GTF3A: variants seen among roughly 807,000 people sequenced by gnomAD.
The protein encoded by GTF3A is transcription factor IIIA.
Under a neutral mutation model 37.6 loss-of-function variants are expected in GTF3A, and 40 were observed. That is an observed-to-expected ratio of 1.06 (90% CI 0.83 to 1.38). The LOEUF is 1.38. Ranked by LOEUF, GTF3A falls within the 40% of genes most tolerant of loss-of-function variation. The pLI is 0.00. For missense variants in GTF3A, 500 were observed against 462.6 expected (o/e 1.08, Z -0.74); for synonymous variants, 191 against 166.7 (o/e 1.15, Z -1.12).
rs747859990 is a variant in GTF3A, at chr13:27,434,134, A to AAT, written c.563-3_563-2dup. 13 of 1,128,308 alleles carry AAT rather than the reference A, an allele frequency of 1.2e-5. No homozygotes were observed. Among genetic ancestry groups the AAT allele is most frequent in the Non-Finnish European group, 6.8e-6 (5 of 736,316 alleles). The allele number at this position is 1,128,308 out of a possible 1,614,324, so 69.9% of individuals were successfully genotyped here. A position where few individuals can be genotyped will look rare whatever the true frequency, so the allele number is the denominator to read the frequency against. Reference sequence around the variant, plus strand: ...TGACAGACAATGCACCAATTTTTTTAATAGGCTATGTATGTCAAAAAGGAT... The same window carrying AAT: ...TGACAGACAATGCACCAATTTTTTTAATATAGGCTATGTATGTCAAAAAGGAT... On this transcript the variant is annotated splice_polypyrimidine_tract_variant and splice_region_variant and intron_variant, in intron 5 of 8. Transcript: ENST00000381140.
rs1267078919 is a variant in GTF3A, at chr13:27,434,967, C to T, written c.806C>T (p.Ser269Phe). The change falls in exon 7 of 9, where the codon TCC (serine) becomes TTC (phenylalanine). Residue 269 changes from serine to phenylalanine, a missense_variant. Transcript: ENST00000381140. The stretch of plus-strand genomic sequence containing the variant: ...TTTAATCTCCAAAGCCATATCCTCT[C>T]CTTCCATGAGGAAAGCCGCCCTTTT... The T allele has an allele frequency of 1.2e-6, 2 of 1,611,876 alleles. No individual in the cohort carries two copies. Among genetic ancestry groups the T allele is most frequent in the African/African-American group, 1.3e-5 (1 of 75,022 alleles).
chr13:27,425,783 C>CT (rs777011364), intron 1 of GTF3A: 2 of 152,204 alleles, frequency 1.3e-5, no homozygotes, highest in African/African-American at 4.8e-5. Context: ...ACTGCCTCAG[C>CT]TTAAAGCCCT....
Position 27,424,658 on chromosome 13 carries a change from T to A in GTF3A, c.-80T>A. The A allele has an allele frequency of 9.2e-7, 1 of 1,087,642 alleles. No individual in the cohort carries two copies. The highest frequency in any genetic ancestry group is 1.2e-6 in the Non-Finnish European group (1 of 821,550). The allele number at this position is 1,087,642 out of a possible 1,614,324, so 67.4% of individuals were successfully genotyped here. A position where few individuals can be genotyped will look rare whatever the true frequency, so the allele number is the denominator to read the frequency against. ...CGCGCGAAGGTTCAGCAGGGAGCCG[T>A]GGGCCGGGCGCGCCGGTTCCCGGCA... On this transcript the variant is annotated 5_prime_UTR_variant, in exon 1 of 9. Transcript: ENST00000381140.
chr13:27,429,826 C>T (rs1028498638), intron 2 of GTF3A, 44 bp from the exon 3 acceptor site: 17 of 1,036,344 alleles, frequency 1.6e-5, no homozygotes, highest in Non-Finnish European at 2.2e-5. Context: ...AAAACTTCTT[C>T]TCCCTTGGTT....
intron 2 of GTF3A, chr13:27,429,129 T>TC (rs1440441580): frequency 6.6e-6 from 1 of 151,140 alleles, no homozygotes; most frequent in Non-Finnish European, 1.5e-5. Context: ...GTGCTGTGCC[T>TC]CCCATGGTCA....
chr13:27,434,041 G>T lies in GTF3A; in HGVS notation c.563-98G>T. ...GCTGAGTTGAATACTATTAGGCGGG[G>T]AATGGAAAATTATATAGGCACCTAA... is the stretch of plus-strand genomic sequence containing the variant. On this transcript the variant is annotated intron_variant, in intron 5 of 8. Transcript: ENST00000381140. The T allele has an allele frequency of 4.3e-6, 3 of 698,856 alleles. No homozygotes were observed. The East Asian group carries it at 7.5e-5, about 17-fold the overall frequency. 43.3% of individuals were successfully genotyped at this position (698,856 alleles called of 1,614,324 possible). A position where few individuals can be genotyped will look rare whatever the true frequency, so the allele number is the denominator to read the frequency against.
intron 5 of GTF3A, among the ~76,000 whole-genome samples, chr13:27,433,025 C>T (rs553820319): frequency 6.6e-5 from 10 of 152,318 alleles, no homozygotes; most frequent in African/African-American, 2.2e-4. Context: ...TTGTTCACAA[C>T]AAGCGCCTGG....
chr13:27,425,399 G>C (rs2138020138), intron 1 of GTF3A: 1 of 156,796 alleles, frequency 6.4e-6, no homozygotes, highest in South Asian at 1.8e-4. Flanking sequence ...ATGGACCTTT[G>C]TTCCTGGGTC....
rs757021040 is a variant in GTF3A, at chr13:27,432,801, G to A, written c.559G>A (p.Glu187Lys). ...GCTGAAACGACATGCCAAGGCCCACGAGGGTGTGTACGGATAGCCTGGGTG... is the reference window on the plus strand; with the variant it reads ...GCTGAAACGACATGCCAAGGCCCACAAGGGTGTGTACGGATAGCCTGGGTG... The change falls in exon 5 of 9, where the codon GAG becomes AAG. Residue 187 changes from glutamate to lysine, a missense_variant. Glu to Lys is a moderately conservative substitution (Grantham distance 56, BLOSUM62 1). Coordinates refer to ENST00000381140, the MANE Select transcript of GTF3A (RefSeq NM_002097.3). The A allele has an allele frequency of 2.3e-5, 36 of 1,599,912 alleles. No individual in the cohort carries two copies. In the East Asian group the frequency reaches 5.4e-4, roughly 24 times the overall value.
At chr13:27,431,668 A>G (rs1953658661) in intron 4 of GTF3A, among the ~76,000 whole-genome samples, 1 of 152,152 alleles carries the variant, frequency 6.6e-6, no homozygotes, top group African/African-American at 2.4e-5. Flanking sequence ...GAAAGACTAC[A>G]TATTGGGTAC....
chr13:27,434,305 T>C (rs986539656), intron 6 of GTF3A, 86 bp downstream of exon 6: 2 of 751,346 alleles, frequency 2.7e-6, no homozygotes, highest in Non-Finnish European at 4.9e-6. Context: ...AAATGCTGTG[T>C]GCTTTAAAGT....
intron 6 of GTF3A, 47 bp from the exon 7 acceptor site, chr13:27,434,758 G>T: frequency 9.3e-7 from 1 of 1,077,640 alleles, no homozygotes; most frequent in Non-Finnish European, 1.4e-6. Context: ...TTTTCTAAAT[G>T]GTAATATCTG....
At chr13:27,434,557 CCA>C (rs1412597429) in intron 6 of GTF3A, 3 of 563,132 alleles carry the variant, frequency 5.3e-6, no homozygotes, top group African/African-American at 3.8e-5. Flanking sequence ...CTGTACCTCC[CCA>C]CAGTCACCTT....
At position 27,435,407 on chromosome 13, in the gene GTF3A, A is replaced by G. The variant is rs576523802; in HGVS notation, c.934-26A>G. ...CAGACAGTTTTGATTTTGAATTCTA[A>G]TCGTGTGTCTTCCTTATTCCCAAAG... On this transcript the variant is annotated intron_variant, in intron 8 of 8. Coordinates refer to ENST00000381140, the MANE Select transcript of GTF3A (RefSeq NM_002097.3). 135 of 1,602,760 alleles carry G rather than the reference A, an allele frequency of 8.4e-5. 1 individual carries two copies. The South Asian group carries it at 1.5e-3, about 17-fold the overall frequency.
chr13:27,432,890 A>T (rs1953670194), intron 5 of GTF3A, 86 bp downstream of exon 5: 2 of 1,124,722 alleles, frequency 1.8e-6, no homozygotes, highest in East Asian at 2.6e-5. Flanking sequence ...CGCTGAAAAG[A>T]TGGGAACCCT....
In GTF3A at chr13:27,435,053, A is replaced by G. The variant is rs367924525; in HGVS notation, c.873+19A>G. On this transcript the variant is annotated intron_variant, in intron 7 of 8. Coordinates refer to ENST00000381140, the MANE Select transcript of GTF3A (RefSeq NM_002097.3). ...AATGAAAGTAAGCACTCACCCTCAT[A>G]CTCATGGTCCTATAGTCTATGCTTT... 30 of 1,542,228 alleles carry G rather than the reference A, an allele frequency of 1.9e-5. No homozygotes were observed. The highest frequency in any genetic ancestry group is 2.6e-5 in the Non-Finnish European group (29 of 1,114,752).
intron 5 of GTF3A, among the ~76,000 whole-genome samples, chr13:27,433,343 G>C (rs1386627563): frequency 1.4e-5 from 2 of 147,820 alleles, no homozygotes; most frequent in African/African-American, 2.5e-5. Context: ...TAAGAGGTTA[G>C]TAGCTAACAG....
In GTF3A at chr13:27,435,524, G is replaced by T. The variant is rs1455652175; in HGVS notation, c.1025G>T (p.Cys342Phe). Residue 342 changes from cysteine to phenylalanine, a missense_variant, in exon 9 of 9, where the codon TGT becomes TTT. Coordinates refer to ENST00000381140, the MANE Select transcript of GTF3A (RefSeq NM_002097.3). ...AAACAAGGGCAAGGCTTATCTTTGTGTCAAAACGGAGAGTCACCCAACTGT... is the reference window on the plus strand; with the variant it reads ...AAACAAGGGCAAGGCTTATCTTTGTTTCAAAACGGAGAGTCACCCAACTGT... 5 of 1,613,392 alleles carry T rather than the reference G, an allele frequency of 3.1e-6. No homozygotes were observed. Among genetic ancestry groups the T allele is most frequent in the Non-Finnish European group, 4.2e-6 (5 of 1,179,480 alleles).
At chr13:27,426,985 C>G in intron 1 of GTF3A, 107 bp from the exon 2 acceptor site, 1 of 660,882 alleles carries the variant, frequency 1.5e-6, no homozygotes. Flanking sequence ...GAAACCACCT[C>G]TTCATAGGAA....
Sources: allele counts gnomAD v4.1 joint callset (sites outside exome capture counted in the v4.1 genomes callset), GRCh38; gene constraint gnomAD v4.1.1; transcripts MANE v1.5; gene names NCBI Gene and HGNC (gene_info 2026-07-23, HGNC 2026-07-21).